Variants in IFT140 observed in about 807,000 individuals in gnomAD.
The protein encoded by IFT140 is intraflagellar transport protein 140 homolog.
Under a neutral mutation model 164.6 loss-of-function variants are expected in IFT140, and 133 were observed. The observed-to-expected ratio is 0.81, with a 90% CI of 0.70 to 0.93. The LOEUF is 0.93. Among genes scored for constraint, IFT140 ranks in the 40% least tolerant of loss-of-function variants. The probability of loss-of-function intolerance (pLI) is 0.00; values close to 1 mark genes in which losing one functional copy is unlikely to be tolerated. For synonymous variants in IFT140, 860 were observed against 817.3 expected (o/e 1.05, Z -0.89); for missense variants, 2,045 against 1,972.3 (o/e 1.04, Z -0.70).
rs2034684761 is a variant in IFT140 at position 1,583,396 on chromosome 16, AC to A, written c.1360-11del. 6.2e-7 allele frequency: 1 copy of A among 1,613,624 alleles called. No homozygotes were observed. The highest frequency in any genetic ancestry group is 8.5e-7 in the Non-Finnish European group (1 of 1,179,718). Reference sequence around the variant, plus strand: ...AGACTGCGACAGCATCCTGAAAAGAACCACGGACATTCGAGGCAAAGGGCGG... The same window carrying A: ...AGACTGCGACAGCATCCTGAAAAGAACACGGACATTCGAGGCAAAGGGCGG... On this transcript the variant is annotated splice_polypyrimidine_tract_variant and intron_variant, in intron 11 of 30. Transcript: ENST00000426508.
intron 2 of IFT140, chr16:1,610,352 T>C (rs2036273636): frequency 6.5e-6 from 1 of 154,870 alleles, no homozygotes; most frequent in South Asian, 2.0e-4. Flanking sequence ...CCGTTTCGCC[T>C]CGGGGGTGTG....
At chr16:1,599,778 T>G (rs1596456481) in intron 4 of IFT140, among the ~76,000 whole-genome samples, 1 of 52,814 alleles carries the variant, frequency 1.9e-5, no homozygotes, top group Admixed American at 1.8e-4. Flanking sequence ...GGGAGGGAGG[T>G]GGGGGTGTCA....
chr16:1,543,644 C>T (rs2064289), intron 19 of IFT140, among the ~76,000 whole-genome samples: 95,599 of 152,122 alleles, frequency 0.63, 32,664 homozygotes, highest in African/African-American at 0.9. Flanking sequence ...ACCCAACTGA[C>T]TGTAAGAACG....
intron 19 of IFT140, among the ~76,000 whole-genome samples, chr16:1,528,372 CATGCACGCACGTGTGCACACACACGG>C (rs1567333793): frequency 1.5e-4 from 18 of 120,106 alleles, no homozygotes; most frequent in South Asian, 1.0e-3. Flanking sequence ...CACACACACG[CATGCACGCACGTGTGCACACACACGG>C]ATGCACACAC....
intron 17 of IFT140, among the ~76,000 whole-genome samples, chr16:1,563,735 ATTTTC>A (rs1355972101): frequency 6.6e-6 from 1 of 152,054 alleles, no homozygotes; most frequent in Non-Finnish European, 1.5e-5. Flanking sequence ...ACGTGAACGA[ATTTTC>A]AGGACCCCTT....
intron 19 of IFT140, among the ~76,000 whole-genome samples, chr16:1,528,104 G>T: frequency 6.6e-6 from 1 of 152,128 alleles, no homozygotes; most frequent in Non-Finnish European, 1.5e-5. Flanking sequence ...GCCATCCAGG[G>T]AGATCCCGCC....
intron 4 of IFT140, among the ~76,000 whole-genome samples, chr16:1,597,264 C>T (rs1053908031): frequency 6.6e-6 from 1 of 152,196 alleles, no homozygotes; most frequent in Non-Finnish European, 1.5e-5. Flanking sequence ...ACTGATGGGA[C>T]TTCTAAGGAC....
chr16:1,556,803 T>G (rs34002558), intron 19 of IFT140, among the ~76,000 whole-genome samples: 4 of 152,286 alleles, frequency 2.6e-5, no homozygotes, highest in Admixed American at 2.6e-4. Context: ...AAAATAATTG[T>G]TTTTTGTTTT....
At chr16:1,557,397 G>C (rs1328436255) in intron 19 of IFT140, among the ~76,000 whole-genome samples, 5 of 152,184 alleles carry the variant, frequency 3.3e-5, no homozygotes. Context: ...GGGAGGGCTT[G>C]CTCCGGCAAC....
chr16:1,520,699 C>G lies in IFT140; in HGVS notation c.3563G>C (p.Arg1188Pro). 1.2e-6 allele frequency: 2 copies of G among 1,611,456 alleles called. No homozygotes were observed. Among genetic ancestry groups the G allele is most frequent in the Non-Finnish European group, 1.7e-6 (2 of 1,179,382 alleles). The change falls in exon 27 of 31, where the codon CGG becomes CCG. Residue 1188 changes from arginine to proline, a missense_variant. Coordinates refer to ENST00000426508, the MANE Select transcript of IFT140 (RefSeq NM_014714.4). ...TGCTATCTGCTCCAGCAGCTCCCGC[C>G]GCGACTCCTCAGGCAGGTCCGAGGA... ...KDSSDLPEES[R>P]RELLEQIADC...
At chr16:1,568,059 G>C (rs1036971073) in intron 15 of IFT140, among the ~76,000 whole-genome samples, 158 bp downstream of exon 15, 1 of 152,152 alleles carries the variant, frequency 6.6e-6, no homozygotes, top group Non-Finnish European at 1.5e-5. Flanking sequence ...GTGGGAGGGA[G>C]AGACCCGGGG....
intron 19 of IFT140, among the ~76,000 whole-genome samples, chr16:1,539,978 G>A (rs1321783642): frequency 2.0e-5 from 3 of 152,214 alleles, no homozygotes; most frequent in African/African-American, 7.2e-5. Flanking sequence ...GAAAAGCCTG[G>A]CATCCAGGAA....
intron 1 of IFT140, among the ~76,000 whole-genome samples, chr16:1,611,159 C>T (rs2036305463): frequency 6.6e-6 from 1 of 152,174 alleles, no homozygotes; most frequent in South Asian, 2.1e-4. Context: ...AGGGCCTGTT[C>T]CATCGCCGGG....
chr16:1,589,749 C>G lies in IFT140; in HGVS notation c.666G>C (p.Lys222Asn). The G allele has an allele frequency of 5.0e-6, 8 of 1,614,200 alleles. No individual in the cohort carries two copies. Among genetic ancestry groups the G allele is most frequent in the Non-Finnish European group, 5.9e-6 (7 of 1,180,026 alleles). Residue 222 changes from lysine (K) to asparagine (N), a missense_variant, in exon 7 of 31, where the codon AAG (lysine) becomes AAC (asparagine). By Grantham distance (94) the Lys-to-Asn change is moderately conservative. Coordinates refer to ENST00000426508, the MANE Select transcript of IFT140 (RefSeq NM_014714.4). ...GTVHYVDEKG[K>N]TTQVVSADST... is the part of the protein sequence containing the mutation. The stretch of plus-strand genomic sequence containing the variant: ...TGTCTGCGGACACCACCTGAGTGGT[C>G]TTGCCCTTCTCATCCACATAGTGCA...
At chr16:1,528,345 G>A (rs111572104) in intron 19 of IFT140, among the ~76,000 whole-genome samples, 3,171 of 129,590 alleles carry the variant, frequency 0.024, 122 homozygotes, top group East Asian at 0.093. Context: ...GCACACACAC[G>A]CATGCACGCA....
At position 1,555,127 on chromosome 16, in the gene IFT140, G is replaced by A. The variant is rs939829716; in HGVS notation, c.2399+2808C>T. On this transcript the variant is annotated intron_variant, in intron 19 of 30. Transcript: ENST00000426508. The stretch of plus-strand genomic sequence containing the variant: ...AAGTCACTTCCCCTGCTCGTGCAGA[G>A]GCACGGGATGAGTCTGGGTGACCTC... The A allele has an allele frequency of 1.2e-5, 18 of 1,444,112 alleles. No homozygotes were observed. The African/African-American group carries it at 2.5e-4, about 20-fold the overall frequency. The allele number at this position is 1,444,112 out of a possible 1,614,324, so 89.5% of individuals were successfully genotyped here. A position where few individuals can be genotyped will look rare whatever the true frequency, so the allele number is the denominator to read the frequency against.
chr16:1,518,444 A>C (rs1157465792), intron 29 of IFT140, 87 bp from the exon 30 acceptor site: 1 of 1,354,920 alleles, frequency 7.4e-7, no homozygotes, highest in African/African-American at 1.5e-5. Context: ...GGCCTGTAAG[A>C]GGAGCTCTCC....
At chr16:1,559,853 G>A (rs934362105) in intron 18 of IFT140, among the ~76,000 whole-genome samples, 4 of 152,218 alleles carry the variant, frequency 2.6e-5, no homozygotes, top group African/African-American at 7.2e-5. Context: ...AAAACAACCC[G>A]GTGAAGCAAA....
rs1016619785 is a variant in IFT140 at position 1,558,201 on chromosome 16, G to C, written c.2200-67C>G. ...AAGCTGAAGCCCTCACCCAGACCTCGTCCTCTGGATTTAGCTCCCTTATGG... is the reference window on the plus strand; with the variant it reads ...AAGCTGAAGCCCTCACCCAGACCTCCTCCTCTGGATTTAGCTCCCTTATGG... On this transcript the variant is annotated intron_variant, in intron 18 of 30. Transcript: ENST00000426508. 5 of 1,513,750 alleles carry C rather than the reference G, an allele frequency of 3.3e-6. No individual in the cohort carries two copies. The East Asian group carries it at 1.1e-4, about 34-fold the overall frequency. The allele number at this position is 1,513,750 out of a possible 1,614,324, so 93.8% of individuals were successfully genotyped here.
Sources: gnomAD v4.1 joint callset for allele counts (sites outside exome capture counted in the v4.1 genomes callset) on GRCh38, gnomAD v4.1.1 for gene constraint, MANE v1.5 for transcripts, NCBI Gene and HGNC (gene_info 2026-07-23, HGNC 2026-07-21) for gene names.